Variants in PLG observed in about 807,000 individuals in gnomAD.
The protein encoded by PLG is plasminogen, also known as plasmin.
Under a neutral mutation model 104.4 loss-of-function variants are expected in PLG, and 41 were observed. The observed-to-expected ratio is 0.39, with a 90% CI of 0.31 to 0.51. PLG has a LOEUF of 0.51. Ranked by LOEUF, PLG falls within the 20% of genes least tolerant of loss-of-function variation. The pLI, the probability that PLG is intolerant of heterozygous loss-of-function variation, is 0.76. For synonymous variants in PLG, 337 were observed against 357.1 expected (o/e 0.94, Z 0.63); for missense variants, 891 against 1,003.6 (o/e 0.89, Z 1.52).
chr6:160,750,782 CAA>C (rs757527215), intron 17 of PLG, among the ~76,000 whole-genome samples: 25 of 152,074 alleles, frequency 1.6e-4, no homozygotes, highest in Non-Finnish European at 4.4e-5. Flanking sequence ...GCTCGCAAAG[CAA>C]AGAGTTTTGC....
At position 160,710,914 on chromosome 6, in the gene PLG, C is replaced by T. The variant is rs4252079; in HGVS notation, c.293-163C>T. Among the ~76,000 whole-genome samples, 678 of 152,310 alleles carry T rather than the reference C, an allele frequency of 4.5e-3. 6 individuals are homozygous for T. Among genetic ancestry groups the T allele is most frequent in the African/African-American group, 0.016 (667 of 41,562 alleles). On this transcript the variant is annotated intron_variant, in intron 3 of 18. Coordinates refer to ENST00000308192, the MANE Select transcript of PLG (RefSeq NM_000301.5). ...TTTGAATACATGAATCAAAGAATGG[C>T]TCAGTTTACTGCAGCCTTTTTGCAG...
At position 160,711,125 on chromosome 6, in the gene PLG, C is replaced by T. The variant is rs139357983; in HGVS notation, c.341C>T (p.Thr114Met). The change falls in exon 4 of 19, where the codon ACG becomes ATG. Residue 114 changes from threonine (T) to methionine (M), a missense_variant. Coordinates refer to ENST00000308192, the MANE Select transcript of PLG (RefSeq NM_000301.5). ...GGGAATGGAAAGAACTACAGAGGGA[C>T]GATGTCCAAAACAAAAAATGGCATC... ...KTGNGKNYRGTMSKTKNGITC... is the reference protein window; with the variant it reads ...KTGNGKNYRGMMSKTKNGITC... 73 of 1,609,598 alleles carry T rather than the reference C, an allele frequency of 4.5e-5. No individual in the cohort carries two copies. Among genetic ancestry groups the T allele is most frequent in the East Asian group, 2.9e-4 (13 of 44,884 alleles).
chr6:160,747,472 GT>G (rs941531130), intron 17 of PLG, among the ~76,000 whole-genome samples: 2 of 152,186 alleles, frequency 1.3e-5, no homozygotes, highest in Non-Finnish European at 2.9e-5. Context: ...CCCTGGAAGT[GT>G]GTTCTGACTT....
At chr6:160,704,329 G>T (rs1218343763) in intron 1 of PLG, among the ~76,000 whole-genome samples, 2 of 152,218 alleles carry the variant, frequency 1.3e-5, no homozygotes, top group Non-Finnish European at 2.9e-5. Context: ...TCTCAGCAGC[G>T]ATGCGCTATG....
intron 1 of PLG, among the ~76,000 whole-genome samples, chr6:160,705,031 A>C (rs2314848): frequency 3.2e-4 from 48 of 152,262 alleles, no homozygotes; most frequent in African/African-American, 6.5e-4. Context: ...CTCCTGCTGC[A>C]GCCTCCACTG....
chr6:160,712,160 G>C (rs1211880530), intron 4 of PLG: 1 of 169,766 alleles, frequency 5.9e-6, no homozygotes, highest in African/African-American at 2.4e-5. Flanking sequence ...GACACTCTGG[G>C]CCATTTTTAT....
intron 3 of PLG, 75 bp downstream of exon 3, chr6:160,707,881 T>A (rs1412809692): frequency 1.8e-6 from 2 of 1,112,218 alleles, no homozygotes; most frequent in Non-Finnish European, 2.8e-6. Flanking sequence ...TATTCTATCT[T>A]TAATTTATAA....
chr6:160,745,575 A>G (rs1035078554), intron 17 of PLG, among the ~76,000 whole-genome samples: 2 of 152,150 alleles, frequency 1.3e-5, no homozygotes, highest in African/African-American at 4.8e-5. Flanking sequence ...TGAAGGTAGC[A>G]TACCAGTGGG....
At chr6:160,750,233 G>A (rs889675157) in intron 17 of PLG, among the ~76,000 whole-genome samples, 3 of 152,152 alleles carry the variant, frequency 2.0e-5, no homozygotes, top group Non-Finnish European at 2.9e-5. Context: ...GCCATCATCT[G>A]CAATCACTGA....
chr6:160,713,118 G>C lies in PLG; in HGVS notation c.540G>C (p.Glu180Asp). 6.2e-7 allele frequency: 1 copy of C among 1,610,280 alleles called. No homozygotes were observed. The highest frequency in any genetic ancestry group is 2.2e-5 in the East Asian group (1 of 44,874). ...GATATGACTACTGCGACATTCTTGA[G>C]TGTGAAGGTCAGGAGTGGTTCTAGA... Reference protein sequence around the residue: ...EKRYDYCDILECEEECMHCSG... With the variant: ...EKRYDYCDILDCEEECMHCSG... The change falls in exon 5 of 19, where the codon GAG (glutamate) becomes GAC (aspartate). Residue 180 changes from glutamate (E) to aspartate (D), a missense_variant. Glu to Asp is a conservative substitution (Grantham distance 45). Coordinates refer to ENST00000308192, the MANE Select transcript of PLG (RefSeq NM_000301.5).
rs1349674865 is a variant in PLG, at chr6:160,753,431, G to A, written c.*370G>A. On this transcript the variant is annotated 3_prime_UTR_variant, in exon 19 of 19. Transcript: ENST00000308192. The surrounding 1 kb of genome is among the most constrained non-coding windows in gnomAD (Gnocchi z 5.4). Reference sequence around the variant, plus strand: ...ACTGAGCAGGCTGCAAGGTCACAGAGGGGAGAGCCAAGAAGTTGTCCACGC... The same window carrying A: ...ACTGAGCAGGCTGCAAGGTCACAGAAGGGAGAGCCAAGAAGTTGTCCACGC... 1.4e-5 allele frequency: 5 copies of A among 357,040 alleles called. No individual in the cohort carries two copies. The highest frequency in any genetic ancestry group is 1.2e-4 in the Admixed American group (3 of 24,628). The allele number at this position is 357,040 out of a possible 1,614,324, so 22.1% of individuals were successfully genotyped here.
At chr6:160,733,385 G>T (rs149056529) in intron 12 of PLG, among the ~76,000 whole-genome samples, 5 of 152,124 alleles carry the variant, frequency 3.3e-5, no homozygotes, top group African/African-American at 1.2e-4. Flanking sequence ...CCTCCACTGG[G>T]TCAGGCTCCT....
In PLG at chr6:160,711,075, A is replaced by C; in HGVS notation, c.293-2A>C. 1 of 1,613,204 alleles carries C rather than the reference A, an allele frequency of 6.2e-7. No individual in the cohort carries two copies. Among genetic ancestry groups the C allele is most frequent in the Non-Finnish European group, 8.5e-7 (1 of 1,179,242 alleles). On this transcript the variant is annotated splice_acceptor_variant, in intron 3 of 18. Coordinates refer to ENST00000308192, the MANE Select transcript of PLG (RefSeq NM_000301.5). LOFTEE classifies it high-confidence loss of function. The stretch of plus-strand genomic sequence containing the variant: ...TTGACCACTGTGTGGACTTCCCTTC[A>C]GTGTATCTCTCAGAGTGCAAGACTG...
chr6:160,707,839 T>A, intron 3 of PLG, 33 bp downstream of exon 3: 3 of 1,300,840 alleles, frequency 2.3e-6, no homozygotes, highest in Non-Finnish European at 3.4e-6. Flanking sequence ...CCTCCTACTG[T>A]CCTCCCCATC....
chr6:160,737,027 C>T lies in PLG; in HGVS notation c.1802+20C>T, dbSNP rs374357226. 362 of 1,611,544 alleles carry T rather than the reference C, an allele frequency of 2.2e-4. 1 individual carries two copies. The highest frequency in any genetic ancestry group is 2.1e-3 in the Middle Eastern group (10 of 4,798). On this transcript the variant is annotated intron_variant, in intron 14 of 18. Coordinates refer to ENST00000308192, the MANE Select transcript of PLG (RefSeq NM_000301.5). This position sits in a 1 kb window ranked among gnomAD's most constrained non-coding sequence, Gnocchi z 4.7. ...AACAAGGTAAGAACAGGCCCAGAAACGATTTATACTGTCCCTCCACGTAAG... is the reference window on the plus strand; with the variant it reads ...AACAAGGTAAGAACAGGCCCAGAAATGATTTATACTGTCCCTCCACGTAAG...
At chr6:160,716,273 GTGATTTTTACACA>G (rs1298811915) in intron 6 of PLG, among the ~76,000 whole-genome samples, 1 of 152,194 alleles carries the variant, frequency 6.6e-6, no homozygotes, top group Non-Finnish European at 1.5e-5. Flanking sequence ...ATTCTGTTGA[GTGATTTTTACACA>G]TGTAAACTGT....
chr6:160,733,641 A>C (rs1562379002), intron 12 of PLG, among the ~76,000 whole-genome samples: 2 of 152,080 alleles, frequency 1.3e-5, no homozygotes, highest in African/African-American at 4.8e-5. Flanking sequence ...GGAGTTCGAG[A>C]CTAGCCTGGC....
chr6:160,742,746 C>G (rs1164539249), intron 17 of PLG, among the ~76,000 whole-genome samples: 1 of 151,772 alleles, frequency 6.6e-6, no homozygotes, highest in Non-Finnish European at 1.5e-5. Context: ...GATGGTGTTA[C>G]CTAGGTTGTC....
Position 160,741,196 on chromosome 6 carries a change from A to G in PLG, c.2019-115A>G. ...GTTCTACGTTGCTCTGTGTCAGTGAAGCAAGGCAGTGCCAGTTCAGAGGGC... is the reference window on the plus strand; with the variant it reads ...GTTCTACGTTGCTCTGTGTCAGTGAGGCAAGGCAGTGCCAGTTCAGAGGGC... On this transcript the variant is annotated intron_variant, in intron 16 of 18. Transcript: ENST00000308192. This position sits in a 1 kb window ranked among gnomAD's most constrained non-coding sequence, Gnocchi z 4.7. The G allele has an allele frequency of 2.6e-6, 2 of 761,640 alleles. No homozygotes were observed. The highest frequency in any genetic ancestry group is 2.8e-5 in the South Asian group (2 of 71,056). 47.2% of individuals were successfully genotyped at this position (761,640 alleles called of 1,614,324 possible). A position where few individuals can be genotyped will look rare whatever the true frequency, so the allele number is the denominator to read the frequency against.
Sources: gnomAD v4.1 joint callset for allele counts (sites outside exome capture counted in the v4.1 genomes callset) on GRCh38, gnomAD v4.1.1 for gene constraint, Gnocchi (gnomAD v3.1) non-coding constraint, MANE v1.5 for transcripts, NCBI Gene and HGNC (gene_info 2026-07-23, HGNC 2026-07-21) for gene names.